Variants in IQUB observed in about 807,000 individuals in gnomAD.
IQUB encodes the protein IQ motif and ubiquitin domain containing.
IQUB carries 86 observed loss-of-function variants against 86.4 expected under a neutral mutation model. That is an observed-to-expected ratio of 1.00 (90% CI 0.84 to 1.19). The LOEUF (loss-of-function observed/expected upper bound fraction) is 1.19. Ranked by LOEUF, IQUB falls within the 50% of genes most tolerant of loss-of-function variation. IQUB has a pLI of 0.00. For synonymous variants in IQUB, 289 were observed against 304.5 expected, an observed-to-expected ratio of 0.95 and a Z score of 0.53; for missense variants, 946 against 916.9, an observed-to-expected ratio of 1.03 and a Z score of -0.41.
In IQUB at chr7:123,496,691, C is replaced by T; in HGVS notation, c.1234+5G>A. Reference sequence around the variant, plus strand: ...TATTTTTTGCAAAGCCTGTGTCCAACTTACATTCTAATGCATTATAAAGAA... The same window carrying T: ...TATTTTTTGCAAAGCCTGTGTCCAATTTACATTCTAATGCATTATAAAGAA... On this transcript the variant is annotated splice_donor_5th_base_variant and intron_variant, in intron 7 of 12. Coordinates refer to ENST00000324698, the MANE Select transcript of IQUB (RefSeq NM_178827.5). The T allele has an allele frequency of 1.3e-6, 2 of 1,550,312 alleles. No individual in the cohort carries two copies. Among genetic ancestry groups the T allele is most frequent in the Non-Finnish European group, 1.8e-6 (2 of 1,139,406 alleles).
intron 3 of IQUB, among the ~76,000 whole-genome samples, chr7:123,503,976 A>G (rs1796062612): frequency 6.6e-6 from 1 of 152,170 alleles, no homozygotes; most frequent in Admixed American, 6.5e-5. Flanking sequence ...ATTCTATGGT[A>G]TGAGCAGAAT....
At chr7:123,465,132 A>G (rs1412180464) in intron 9 of IQUB, 123 bp from the exon 10 acceptor site, 1 of 641,254 alleles carries the variant, frequency 1.6e-6, no homozygotes, top group Non-Finnish European at 2.7e-6. Context: ...CAATAGGAGT[A>G]TAAATTGGCA....
chr7:123,515,176 T>A (rs1796588097), intron 1 of IQUB, among the ~76,000 whole-genome samples: 1 of 152,072 alleles, frequency 6.6e-6, no homozygotes, highest in Admixed American at 6.6e-5. Flanking sequence ...GTAACAGAGC[T>A]TAATGGCCTA....
In IQUB at chr7:123,461,690, G is replaced by GCTAA. The variant is rs1037681377; in HGVS notation, c.1759-89_1759-86dup. On this transcript the variant is annotated intron_variant, in intron 10 of 12. Coordinates refer to ENST00000324698, the MANE Select transcript of IQUB (RefSeq NM_178827.5). ...ATCCTAACCAATGGAAGCATCAAAG[G>GCTAA]CTAACTTACTTATCTTAGAATGAGA... 8 of 1,156,616 alleles carry GCTAA rather than the reference G, an allele frequency of 6.9e-6. No homozygotes were observed. The African/African-American group carries it at 9.4e-5, about 14-fold the overall frequency. The allele number at this position is 1,156,616 out of a possible 1,614,324, so 71.6% of individuals were successfully genotyped here. A position where few individuals can be genotyped will look rare whatever the true frequency, so the allele number is the denominator to read the frequency against.
At chr7:123,520,331 G>C (rs763770289) in intron 1 of IQUB, among the ~76,000 whole-genome samples, 15 of 152,040 alleles carry the variant, frequency 9.9e-5, no homozygotes, top group Non-Finnish European at 1.0e-4. Context: ...GAGGAAAATG[G>C]ACAAGTAATA....
At chr7:123,465,140 G>C (rs986287408) in intron 9 of IQUB, 131 bp from the exon 10 acceptor site, 1 of 614,028 alleles carries the variant, frequency 1.6e-6, no homozygotes, top group Admixed American at 3.3e-5. Flanking sequence ...GTATAAATTG[G>C]CAAAACTAAT....
intron 9 of IQUB, among the ~76,000 whole-genome samples, chr7:123,467,085 T>C (rs780175238): frequency 2.6e-5 from 4 of 151,948 alleles, no homozygotes; most frequent in African/African-American, 7.2e-5. Flanking sequence ...ACATTAAATA[T>C]TGAGCTTACA....
rs760487942 is a variant in IQUB at position 123,469,286 on chromosome 7, C to A, written c.1509G>T (p.Lys503Asn). 6.2e-7 allele frequency: 1 copy of A among 1,609,782 alleles called. No individual in the cohort carries two copies. Among genetic ancestry groups the A allele is most frequent in the Non-Finnish European group, 8.5e-7 (1 of 1,177,680 alleles). ...GGGAGATATTTTTCAGCATAATGCA[C>A]TTATAGATATTTTGCAGCTCTCTGG... is the stretch of plus-strand genomic sequence containing the variant. ...IRARELQNIY[K>N]CIMLKNISQD... The change falls in exon 9 of 13, where the codon AAG becomes AAT. Residue 503 changes from lysine (K) to asparagine (N), a missense_variant. By Grantham distance (94) the Lys-to-Asn change is moderately conservative (BLOSUM62 0). Transcript: ENST00000324698.
intron 1 of IQUB, among the ~76,000 whole-genome samples, chr7:123,516,130 G>GA (rs79753904): frequency 1.3e-5 from 2 of 151,982 alleles, no homozygotes; most frequent in East Asian, 1.9e-4. Flanking sequence ...TCAGTAGGGG[G>GA]AAAAAAAGTG....
intron 10 of IQUB, among the ~76,000 whole-genome samples, 166 bp downstream of exon 10, chr7:123,464,667 A>C (rs1584553617): frequency 1.3e-5 from 2 of 151,954 alleles, no homozygotes; most frequent in East Asian, 3.8e-4. Context: ...GAGTAAGTTT[A>C]ATTTACCAAC....
In IQUB at chr7:123,502,962, T is replaced by C. The variant is rs1239230611; in HGVS notation, c.849A>G (p.Ile283Met). The C allele has an allele frequency of 6.2e-7, 1 of 1,611,540 alleles. No homozygotes were observed. The highest frequency in any genetic ancestry group is 2.2e-5 in the East Asian group (1 of 44,808). ...ACATTACCTGCGTATCCCTACAAAA[T>C]ATACTGAGTCTTTCGGGAATCCTTT... is the stretch of plus-strand genomic sequence containing the variant. ...VPKRIPERLSIFCRDTQTVFQ... is the reference protein window; with the variant it reads ...VPKRIPERLSMFCRDTQTVFQ... Residue 283 changes from isoleucine (I) to methionine (M), a missense_variant, in exon 5 of 13, where the codon ATA (isoleucine) becomes ATG (methionine). Ile to Met is a conservative substitution (Grantham distance 10). Transcript: ENST00000324698.
At chr7:123,467,035 A>C (rs1362488890) in intron 9 of IQUB, among the ~76,000 whole-genome samples, 1 of 152,062 alleles carries the variant, frequency 6.6e-6, no homozygotes, top group Non-Finnish European at 1.5e-5. Context: ...TCAGAACCCA[A>C]ATACTTTTTA....
intron 8 of IQUB, among the ~76,000 whole-genome samples, chr7:123,479,304 G>C (rs1423851913): frequency 2.0e-5 from 3 of 151,976 alleles, no homozygotes; most frequent in Non-Finnish European, 4.4e-5. Context: ...TGTTTTCATG[G>C]TTTTCAATAA....
rs1562862497 is a variant in IQUB, at chr7:123,503,291, A to G, written c.605T>C (p.Ile202Thr). ...VKPQEIVQVE[I>T]FSTNPDLYPV... Reference sequence around the variant, plus strand: ...ATACAGATCTGGATTTGTAGAAAAGATTTCCACTTGTACAATTTCCTGTGG... The same window carrying G: ...ATACAGATCTGGATTTGTAGAAAAGGTTTCCACTTGTACAATTTCCTGTGG... Residue 202 changes from isoleucine (I) to threonine (T), a missense_variant, in exon 4 of 13, where the codon ATC becomes ACC. Coordinates refer to ENST00000324698, the MANE Select transcript of IQUB (RefSeq NM_178827.5). 1.5e-5 allele frequency: 24 copies of G among 1,605,044 alleles called. No homozygotes were observed. The highest frequency in any genetic ancestry group is 2.0e-5 in the Non-Finnish European group (24 of 1,172,470).
chr7:123,516,482 A>G (rs1470156188), intron 1 of IQUB, among the ~76,000 whole-genome samples: 1 of 152,204 alleles, frequency 6.6e-6, no homozygotes, highest in Non-Finnish European at 1.5e-5. Context: ...AAGAAGCCAA[A>G]TCAAAAAGAA....
At chr7:123,479,195 T>C (rs1183031564) in intron 8 of IQUB, among the ~76,000 whole-genome samples, 1 of 152,242 alleles carries the variant, frequency 6.6e-6, no homozygotes, top group East Asian at 1.9e-4. Context: ...ACTAGGTTTA[T>C]AAAAGAAAAT....
chr7:123,462,850 A>AAAAAT (rs771955242), intron 10 of IQUB: 26 of 455,298 alleles, frequency 5.7e-5, no homozygotes, highest in South Asian at 3.7e-4. Flanking sequence ...TGTGCAAGAA[A>AAAAAT]AAAATAACTC....
intron 7 of IQUB, among the ~76,000 whole-genome samples, chr7:123,488,168 C>T (rs1246928085): frequency 6.6e-6 from 1 of 151,494 alleles, no homozygotes; most frequent in African/African-American, 2.4e-5. Flanking sequence ...CCCGTCTCTA[C>T]TAAAAATACA....
chr7:123,517,000 T>C (rs60617406), intron 1 of IQUB, among the ~76,000 whole-genome samples: 2,544 of 152,216 alleles, frequency 0.017, 59 homozygotes, highest in African/African-American at 0.058. Context: ...GCACAGCAGA[T>C]AGCATGAGCT....
Sources: gnomAD v4.1 joint callset for allele counts (sites outside exome capture counted in the v4.1 genomes callset) on GRCh38, gnomAD v4.1.1 for gene constraint, MANE v1.5 for transcripts, NCBI Gene and HGNC (gene_info 2026-07-23, HGNC 2026-07-21) for gene names.